Variants in IGFBP7 observed in about 807,000 individuals in gnomAD.
IGFBP7 encodes insulin like growth factor binding protein 7, also known as insulin-like growth factor-binding protein 7.
IGFBP7 carries 31 observed loss-of-function variants against 29.4 expected under a neutral mutation model. The ratio of observed to expected loss-of-function variants is 1.05; its 90% CI spans 0.79 to 1.42. The LOEUF is 1.42. Among genes scored for constraint, IGFBP7 ranks in the 40% most tolerant of loss-of-function variants. The pLI, the probability that IGFBP7 is intolerant of heterozygous loss-of-function variation, is 0.00. For missense variants in IGFBP7, 393 were observed against 395.5 expected, an observed-to-expected ratio of 0.99 and a Z score of 0.05; for synonymous variants, 172 against 174.9, an observed-to-expected ratio of 0.98 and a Z score of 0.13.
At position 57,031,093 on chromosome 4, in the gene IGFBP7, TTTTA is replaced by T; in HGVS notation, c.*220_*223del. 1.3e-6 allele frequency: 1 copy of T among 787,550 alleles called. No individual in the cohort carries two copies. The highest frequency in any genetic ancestry group is 2.2e-6 in the Non-Finnish European group (1 of 464,260). 48.8% of individuals were successfully genotyped at this position (787,550 alleles called of 1,614,324 possible). A position where few individuals can be genotyped will look rare whatever the true frequency, so the allele number is the denominator to read the frequency against. On this transcript the variant is annotated 3_prime_UTR_variant, in exon 5 of 5. Coordinates refer to ENST00000295666, the MANE Select transcript of IGFBP7 (RefSeq NM_001553.3). ...ATGTACTGTGTTGTGATAAAAAGTA[TTTTA>T]TTTGTTTAATGATATGCATGCTTTT...
rs1355523103 is a variant in IGFBP7, at chr4:57,042,257, ACTATGGCCTGTGGGCCAAAT to A, written c.476-1344_476-1325del. Among the ~76,000 whole-genome samples, 10 of 152,296 alleles carry A rather than the reference ACTATGGCCTGTGGGCCAAAT, an allele frequency of 6.6e-5. No individual in the cohort carries two copies. In the East Asian group the frequency reaches 7.7e-4, roughly 12 times the overall value. ...TGACTCTCTGGTCCTGGGTTAGCTA[ACTATGGCCTGTGGGCCAAAT>A]CTGGCCTGCCATCTGTTTTTGCATG... is the stretch of plus-strand genomic sequence containing the variant. On this transcript the variant is annotated intron_variant, in intron 1 of 4. Transcript: ENST00000295666.
Position 57,067,268 on chromosome 4 carries a change from A to G in IGFBP7, c.476-26335T>C, listed in dbSNP as rs144402869. Among the ~76,000 whole-genome samples, 87 of 152,314 alleles carry G rather than the reference A, an allele frequency of 5.7e-4. No homozygotes were observed. The East Asian group carries it at 0.017, about 29-fold the overall frequency. On this transcript the variant is annotated intron_variant, in intron 1 of 4. Coordinates refer to ENST00000295666, the MANE Select transcript of IGFBP7 (RefSeq NM_001553.3). Reference sequence around the variant, plus strand: ...AACTTATATCCTCCCAGGGACCCCAAAACGTAAGCCTTAACTGTGAGCCTC... The same window carrying G: ...AACTTATATCCTCCCAGGGACCCCAGAACGTAAGCCTTAACTGTGAGCCTC...
chr4:57,038,819 C>A (rs972934804), intron 2 of IGFBP7, among the ~76,000 whole-genome samples: 1 of 152,050 alleles, frequency 6.6e-6, no homozygotes, highest in African/African-American at 2.4e-5. Context: ...GTAATCCTAG[C>A]ACTTTGGGAG....
chr4:57,055,180 CGGGTA>C (rs1724625540), intron 1 of IGFBP7, among the ~76,000 whole-genome samples: 2 of 150,124 alleles, frequency 1.3e-5, no homozygotes, highest in African/African-American at 5.0e-5. Context: ...CCTCAGCCAC[CGGGTA>C]CTGGCCTCTA....
rs142308119 is a variant in IGFBP7, at chr4:57,034,148, T to G, written c.586-837A>C. Among the ~76,000 whole-genome samples the G allele has an allele frequency of 2.8e-3, 427 of 152,158 alleles. 2 individuals are homozygous for G. Among genetic ancestry groups the G allele is most frequent in the African/African-American group, 9.9e-3 (413 of 41,516 alleles). ...GTTTCTGTGTATGTCATGTCAAGAT[T>G]CAGAAGAAACTCAGTTTCTTTGGTG... On this transcript the variant is annotated intron_variant, in intron 2 of 4. Transcript: ENST00000295666.
intron 1 of IGFBP7, among the ~76,000 whole-genome samples, chr4:57,058,813 C>A (rs1473974314): frequency 2.0e-5 from 3 of 152,144 alleles, no homozygotes; most frequent in Non-Finnish European, 4.4e-5. Flanking sequence ...ATACAGACAA[C>A]CTACAGAATA....
At chr4:57,040,734 G>A (rs1578608729) in intron 2 of IGFBP7, 90 bp downstream of exon 2, 2 of 957,404 alleles carry the variant, frequency 2.1e-6, no homozygotes, top group East Asian at 5.0e-5. Context: ...AGTCAACAAA[G>A]CAGGCTGAGG....
chr4:57,052,051 G>A (rs992869851), intron 1 of IGFBP7, among the ~76,000 whole-genome samples: 1 of 152,162 alleles, frequency 6.6e-6, no homozygotes, highest in African/African-American at 2.4e-5. Flanking sequence ...CCTCCAATGT[G>A]TCTCTGAAAG....
chr4:57,082,646 G>A (rs1247838809), intron 1 of IGFBP7, among the ~76,000 whole-genome samples: 2 of 152,178 alleles, frequency 1.3e-5, no homozygotes, highest in Admixed American at 6.5e-5. Flanking sequence ...CATGCTCACT[G>A]TAACAATTCA....
chr4:57,056,415 G>A (rs1251266535), intron 1 of IGFBP7, among the ~76,000 whole-genome samples: 1 of 151,996 alleles, frequency 6.6e-6, no homozygotes, highest in African/African-American at 2.4e-5. Flanking sequence ...ATTACTGTGT[G>A]TTTGAGTTCA....
intron 2 of IGFBP7, among the ~76,000 whole-genome samples, chr4:57,039,079 A>G (rs1277824416): frequency 2.4e-5 from 3 of 125,904 alleles, no homozygotes; most frequent in African/African-American, 5.7e-5. Flanking sequence ...AAAAAAAAAA[A>G]AAAAAAAAAG....
chr4:57,106,172 C>T (rs1166777125), intron 1 of IGFBP7, among the ~76,000 whole-genome samples: 1 of 152,110 alleles, frequency 6.6e-6, no homozygotes, highest in Non-Finnish European at 1.5e-5. Flanking sequence ...TCCCAAAGTG[C>T]TGGGATTACA....
chr4:57,110,219 G>C lies in IGFBP7; in HGVS notation c.133C>G (p.Pro45Ala). Residue 45 changes from proline (P) to alanine (A), a missense_variant, in exon 1 of 5, where the codon CCG becomes GCG. Transcript: ENST00000295666. ...GTCTCGCCCAGCAGGCAGCCCAGCG[G>C]GGGCAGGGGCGGGCAGGAGGCCGGC... ...CEPASCPPLP[P>A]LGCLLGETRD... 6 of 1,370,804 alleles carry C rather than the reference G, an allele frequency of 4.4e-6. No individual in the cohort carries two copies. The highest frequency in any genetic ancestry group is 1.8e-5 in the South Asian group (1 of 56,968). The allele number at this position is 1,370,804 out of a possible 1,614,324, so 84.9% of individuals were successfully genotyped here.
intron 1 of IGFBP7, among the ~76,000 whole-genome samples, chr4:57,083,510 T>C (rs763384559): frequency 1.1e-4 from 17 of 152,268 alleles, no homozygotes; most frequent in Non-Finnish European, 2.4e-4. Context: ...TCAACTTACA[T>C]GAGCTCTTGT....
intron 1 of IGFBP7, among the ~76,000 whole-genome samples, chr4:57,041,517 A>G (rs1317474094): frequency 6.6e-6 from 1 of 151,950 alleles, no homozygotes; most frequent in Non-Finnish European, 1.5e-5. Flanking sequence ...TGGAAGGGAC[A>G]TCTTTATTTT....
chr4:57,098,602 G>A (rs147363644), intron 1 of IGFBP7, among the ~76,000 whole-genome samples: 347 of 152,280 alleles, frequency 2.3e-3, no homozygotes, highest in Middle Eastern at 6.8e-3. Context: ...CTCTGGCTCC[G>A]AAGCCCTGGC....
chr4:57,073,033 G>C (rs574548951), intron 1 of IGFBP7: 1 of 1,236,578 alleles, frequency 8.1e-7, no homozygotes. Flanking sequence ...TTGATAGCTC[G>C]TTGAACAGGC....
At chr4:57,086,345 C>A (rs936875040) in intron 1 of IGFBP7, among the ~76,000 whole-genome samples, 2 of 152,176 alleles carry the variant, frequency 1.3e-5, no homozygotes, top group African/African-American at 4.8e-5. Flanking sequence ...CAAACCATAT[C>A]AGGAGCCCCG....
intron 1 of IGFBP7, among the ~76,000 whole-genome samples, chr4:57,075,755 A>G (rs1543178): frequency 0.77 from 117,682 of 151,916 alleles, 45,881 homozygotes; most frequent in East Asian, 0.97. Context: ...GATAATTTTC[A>G]CATTTGAAAA....
Sources: gnomAD v4.1 joint callset for allele counts (sites outside exome capture counted in the v4.1 genomes callset) on GRCh38, gnomAD v4.1.1 for gene constraint, MANE v1.5 for transcripts, NCBI Gene and HGNC (gene_info 2026-07-23, HGNC 2026-07-21) for gene names.